Variants in TPGS2 observed in about 807,000 individuals in gnomAD.
The protein encoded by TPGS2 is tubulin polyglutamylase complex subunit 2.
A neutral mutation model predicts 31.1 loss-of-function variants in TPGS2; 26 were observed. That is an observed-to-expected ratio of 0.84 (90% CI 0.61 to 1.16). The LOEUF (loss-of-function observed/expected upper bound fraction) is 1.16. Among genes scored for constraint, TPGS2 ranks in the 50% most tolerant of loss-of-function variants. The probability of loss-of-function intolerance (pLI) is 0.00; values close to 1 mark genes in which losing one functional copy is unlikely to be tolerated. For synonymous variants in TPGS2, 130 were observed against 136.6 expected, an observed-to-expected ratio of 0.95 and a Z score of 0.34; for missense variants, 351 against 363.8, an observed-to-expected ratio of 0.96 and a Z score of 0.29.
At chr18:36,813,514 T>TA (rs1235087905) in intron 2 of TPGS2, among the ~76,000 whole-genome samples, 2 of 152,234 alleles carry the variant, frequency 1.3e-5, no homozygotes, top group Non-Finnish European at 2.9e-5. Flanking sequence ...CCTGTTTTTG[T>TA]AAAAATGTTT....
intron 3 of TPGS2, among the ~76,000 whole-genome samples, chr18:36,807,299 A>G (rs2045200509): frequency 6.6e-6 from 1 of 152,188 alleles, no homozygotes; most frequent in East Asian, 1.9e-4. Flanking sequence ...ACATCCACAC[A>G]AAAATGTTTT....
Position 36,796,499 on chromosome 18 carries a change from T to TA in TPGS2, c.*305dup, listed in dbSNP as rs1567999794. ...CAGTGGTTTCTTTGGGGGACCTCTC[T>TA]AATCAATCAGTGCTAAGGGATTGAG... On this transcript the variant is annotated 3_prime_UTR_variant, in exon 7 of 7. Coordinates refer to ENST00000334295, the MANE Select transcript of TPGS2 (RefSeq NM_015476.4). 11 of 1,120,450 alleles carry TA rather than the reference T, an allele frequency of 9.8e-6. No homozygotes were observed. Among genetic ancestry groups the TA allele is most frequent in the Non-Finnish European group, 9.8e-6 (9 of 918,530 alleles). The allele number at this position is 1,120,450 out of a possible 1,614,324, so 69.4% of individuals were successfully genotyped here.
rs1040964332 is a variant in TPGS2, at chr18:36,799,911, G to A, written c.496+287C>T. ...TATCTAGTACATGAACTTGCTGTAG[G>A]AGTCTATTAACAAAATGCCTATTTC... is the stretch of plus-strand genomic sequence containing the variant. On this transcript the variant is annotated intron_variant, in intron 5 of 6. Coordinates refer to ENST00000334295, the MANE Select transcript of TPGS2 (RefSeq NM_015476.4). 1.1e-4 allele frequency among the ~76,000 whole-genome samples: 16 copies of A among 152,246 alleles called. 1 individual carries two copies. The highest frequency in any genetic ancestry group is 8.5e-4 in the Admixed American group (13 of 15,294).
rs146274573 is a variant in TPGS2, at chr18:36,821,569, T to C, written c.86-2596A>G. On this transcript the variant is annotated intron_variant, in intron 1 of 6. Transcript: ENST00000334295. The stretch of plus-strand genomic sequence containing the variant: ...GCTTTGGGAAATTAATGCTAGAGAT[T>C]AGGAATTTAAGTAGGAGACACTGTT... Among the ~76,000 whole-genome samples, 100 of 152,306 alleles carry C rather than the reference T, an allele frequency of 6.6e-4. 2 individuals are homozygous for C. In the East Asian group the frequency reaches 9.5e-3, roughly 14 times the overall value.
At chr18:36,804,947 G>C (rs1217778716) in intron 4 of TPGS2, among the ~76,000 whole-genome samples, 2 of 152,140 alleles carry the variant, frequency 1.3e-5, no homozygotes, top group Non-Finnish European at 2.9e-5. Context: ...CCAAAGCCTG[G>C]TGCAGCACAA....
rs150360332 is a variant in TPGS2 at position 36,794,620 on chromosome 18, C to T, written c.*2185G>A. 3.3e-5 allele frequency: 33 copies of T among 985,368 alleles called. No individual in the cohort carries two copies. The South Asian group carries it at 8.9e-4, about 27-fold the overall frequency. 61.0% of individuals were successfully genotyped at this position (985,368 alleles called of 1,614,324 possible). ...AATGCTAGAATCTCCTATCCAGTGC[C>T]GTTGGCTCTTCCTTTGATCAATTCT... On this transcript the variant is annotated 3_prime_UTR_variant, in exon 7 of 7. Transcript: ENST00000334295.
intron 2 of TPGS2, among the ~76,000 whole-genome samples, chr18:36,813,235 C>A (rs2045507932): frequency 6.6e-6 from 1 of 152,152 alleles, no homozygotes; most frequent in Non-Finnish European, 1.5e-5. Flanking sequence ...AGGGAAGAGT[C>A]TGCGAGGAAG....
intron 2 of TPGS2, among the ~76,000 whole-genome samples, chr18:36,815,338 A>G (rs1357770676): frequency 6.6e-6 from 1 of 152,226 alleles, no homozygotes; most frequent in Non-Finnish European, 1.5e-5. Context: ...AAAAGTAGGT[A>G]AGAAAATAGC....
chr18:36,823,460 G>T lies in TPGS2; in HGVS notation c.86-4487C>A, dbSNP rs1433059667. Among the ~76,000 whole-genome samples, 189 of 107,982 alleles carry T rather than the reference G, an allele frequency of 1.8e-3. 1 individual carries two copies. Among genetic ancestry groups the T allele is most frequent in the African/African-American group, 3.3e-3 (86 of 26,114 alleles). The allele number at this position is 107,982 out of a possible 152,430, so 70.8% of individuals were successfully genotyped here. ...TCTCTGACTTCCTTGTTAACAGCTT[G>T]TTTTTTTTTTTTTTTTTTGAGACGG... On this transcript the variant is annotated intron_variant, in intron 1 of 6. Transcript: ENST00000334295.
intron 1 of TPGS2, among the ~76,000 whole-genome samples, chr18:36,821,690 A>G (rs2045901616): frequency 6.6e-6 from 1 of 152,240 alleles, no homozygotes; most frequent in Admixed American, 6.5e-5. Flanking sequence ...ACTAGGTGAC[A>G]TTGACTGTCA....
intron 2 of TPGS2, among the ~76,000 whole-genome samples, chr18:36,810,584 G>A (rs1416123905): frequency 1.3e-5 from 2 of 152,128 alleles, no homozygotes; most frequent in African/African-American, 2.4e-5. Flanking sequence ...GAGAGGGTCT[G>A]GGGAGAAAGC....
At chr18:36,785,464 GTGCTTTGATGATAGAGTCATTTCC>G (rs1184630856) in intron 6 of TPGS2, among the ~76,000 whole-genome samples, 3 of 152,114 alleles carry the variant, frequency 2.0e-5, no homozygotes, top group African/African-American at 7.2e-5. Flanking sequence ...ATCTTTTTTT[GTGCTTTGATGATAGAGTCATTTCC>G]CACTCTGATT....
rs555435800 is a variant in TPGS2 at position 36,799,979 on chromosome 18, G to A, written c.496+219C>T. ...ATATTCTAATCTCATCAACTATTTG[G>A]CAATAACTCACAAATGAAGATGGAT... On this transcript the variant is annotated intron_variant, in intron 5 of 6. Coordinates refer to ENST00000334295, the MANE Select transcript of TPGS2 (RefSeq NM_015476.4). Among the ~76,000 whole-genome samples, 3 of 152,084 alleles carry A rather than the reference G, an allele frequency of 2.0e-5. No homozygotes were observed. The South Asian group carries it at 6.2e-4, about 32-fold the overall frequency.
intron 6 of TPGS2, among the ~76,000 whole-genome samples, chr18:36,787,768 C>A (rs545611686): frequency 1.3e-5 from 2 of 152,196 alleles, no homozygotes. Flanking sequence ...ATTAGGCATG[C>A]GATTAGGAAT....
At chr18:36,824,052 C>T (rs962553691) in intron 1 of TPGS2, among the ~76,000 whole-genome samples, 1 of 152,218 alleles carries the variant, frequency 6.6e-6, no homozygotes, top group Non-Finnish European at 1.5e-5. Flanking sequence ...CTCCTACCAG[C>T]CTCTGGCAAC....
At chr18:36,828,366 C>A (rs1649036226) in intron 1 of TPGS2, among the ~76,000 whole-genome samples, 1 of 152,096 alleles carries the variant, frequency 6.6e-6, no homozygotes, top group Non-Finnish European at 1.5e-5. Context: ...GGGGGAGATC[C>A]AACTTCCCAA....
At chr18:36,807,523 G>A in intron 3 of TPGS2, 1 of 316,412 alleles carries the variant, frequency 3.2e-6, no homozygotes, top group Non-Finnish European at 5.8e-6. Context: ...TTTGCTTGGA[G>A]GTAGAGCCCT....
Position 36,786,664 on chromosome 18 carries a change from AGTT to A in TPGS2, c.658-3536_658-3534del, listed in dbSNP as rs1220396502. On this transcript the variant is annotated intron_variant, in intron 6 of 6. Transcript: ENST00000587129. Reference sequence around the variant, plus strand: ...CTCTCTTTTAATATCAATGCTGATCAGTTGTTGTGTCTAAAACCACAAAAGGGA... The same window carrying A: ...CTCTCTTTTAATATCAATGCTGATCAGTTGTGTCTAAAACCACAAAAGGGA... 5 of 442,058 alleles carry A rather than the reference AGTT, an allele frequency of 1.1e-5. No homozygotes were observed. The East Asian group carries it at 1.8e-4, about 16-fold the overall frequency. The allele number at this position is 442,058 out of a possible 1,614,324, so 27.4% of individuals were successfully genotyped here. A position where few individuals can be genotyped will look rare whatever the true frequency, so the allele number is the denominator to read the frequency against.
Position 36,828,975 on chromosome 18 carries a change from C to CG in TPGS2, c.-209_-208insC. 9.6e-7 allele frequency: 1 copy of CG among 1,045,436 alleles called. No individual in the cohort carries two copies. Among genetic ancestry groups the CG allele is most frequent in the Admixed American group, 3.3e-5 (1 of 30,076 alleles). 64.8% of individuals were successfully genotyped at this position (1,045,436 alleles called of 1,614,324 possible). A position where few individuals can be genotyped will look rare whatever the true frequency, so the allele number is the denominator to read the frequency against. The stretch of plus-strand genomic sequence containing the variant: ...CGGCCCCGCCCGGTGCCCCACACCG[C>CG]ACCTCCGGGACGTAGCTTCCCCTTC... On this transcript the variant is annotated 5_prime_UTR_variant, in exon 1 of 7. Transcript: ENST00000334295.
Sources: gnomAD v4.1 joint callset for allele counts (sites outside exome capture counted in the v4.1 genomes callset) on GRCh38, gnomAD v4.1.1 for gene constraint, MANE v1.5 for transcripts, NCBI Gene and HGNC (gene_info 2026-07-23, HGNC 2026-07-21) for gene names.